Variants in TMTC2 observed in about 807,000 individuals in gnomAD.
TMTC2 encodes transmembrane O-mannosyltransferase targeting cadherins 2, also known as protein O-mannosyl-transferase TMTC2.
TMTC2 carries 43 observed loss-of-function variants against 82.4 expected under a neutral mutation model. The observed-to-expected ratio is 0.52, with a 90% CI of 0.41 to 0.67. The LOEUF (loss-of-function observed/expected upper bound fraction) is 0.67. TMTC2 is among the 30% of genes least tolerant of loss of function. The pLI, the probability that TMTC2 is intolerant of heterozygous loss-of-function variation, is 0.00. For synonymous variants in TMTC2, 408 were observed against 381.9 expected, an observed-to-expected ratio of 1.07 and a Z score of -0.80; for missense variants, 919 against 1,012.4, an observed-to-expected ratio of 0.91 and a Z score of 1.25.
At chr12:83,084,615 G>C (rs926864642) in intron 11 of TMTC2, among the ~76,000 whole-genome samples, 1 of 152,182 alleles carries the variant, frequency 6.6e-6, no homozygotes, top group Non-Finnish European at 1.5e-5. Context: ...CCTATCATTA[G>C]TCAATTTTAT....
At chr12:82,991,721 A>G (rs1160860025) in intron 8 of TMTC2, among the ~76,000 whole-genome samples, 1 of 152,224 alleles carries the variant, frequency 6.6e-6, no homozygotes, top group East Asian at 1.9e-4. Context: ...GAACTTTGTT[A>G]CCTAGGGCAA....
chr12:83,030,688 C>A, intron 8 of TMTC2, 110 bp from the exon 9 acceptor site: 2 of 816,892 alleles, frequency 2.4e-6, no homozygotes, highest in African/African-American at 1.7e-5. Flanking sequence ...TTTTTTTTTC[C>A]TTTCCTATGA....
intron 11 of TMTC2, among the ~76,000 whole-genome samples, chr12:83,096,181 G>A (rs1270447267): frequency 6.6e-6 from 1 of 152,190 alleles, no homozygotes; most frequent in African/African-American, 2.4e-5. Flanking sequence ...CCACATTCAG[G>A]AAGTTTGCCA....
intron 9 of TMTC2, among the ~76,000 whole-genome samples, chr12:83,035,246 C>T (rs1423655152): frequency 1.3e-5 from 2 of 152,140 alleles, no homozygotes; most frequent in African/African-American, 4.8e-5. Context: ...CTATCAGTTA[C>T]TTGTGTTTTT....
In TMTC2 at chr12:82,701,589, T is replaced by TAAAA. The variant is rs763176928; in HGVS notation, c.83+13940_83+13943dup. Reference sequence around the variant, plus strand: ...CAACATGGAGAAACCCCGTCTTTACTAAAAAAAAAAAAAAAAAAAAAAATT... The same window carrying TAAAA: ...CAACATGGAGAAACCCCGTCTTTACTAAAAAAAAAAAAAAAAAAAAAAAAAAATT... On this transcript the variant is annotated intron_variant, in intron 1 of 11. Transcript: ENST00000321196. Among the ~76,000 whole-genome samples, 427 of 91,882 alleles carry TAAAA rather than the reference T, an allele frequency of 4.6e-3. 1 individual carries two copies. The highest frequency in any genetic ancestry group is 0.011 in the South Asian group (29 of 2,608). 60.3% of individuals were successfully genotyped at this position (91,882 alleles called of 152,430 possible).
chr12:82,800,861 G>A (rs1005251698), intron 1 of TMTC2, among the ~76,000 whole-genome samples: 3 of 152,146 alleles, frequency 2.0e-5, no homozygotes, highest in African/African-American at 7.2e-5. Context: ...GCTTAGAGCT[G>A]TCCCTGTTGA....
At chr12:83,013,639 T>C (rs1435217688) in intron 8 of TMTC2, among the ~76,000 whole-genome samples, 2 of 152,220 alleles carry the variant, frequency 1.3e-5, no homozygotes, top group African/African-American at 4.8e-5. Flanking sequence ...AGCCATTTAA[T>C]TTGAGGAAAG....
intron 11 of TMTC2, among the ~76,000 whole-genome samples, chr12:83,128,654 A>G (rs1321562228): frequency 6.6e-6 from 1 of 152,128 alleles, no homozygotes; most frequent in Non-Finnish European, 1.5e-5. Flanking sequence ...TTTCTTGTTA[A>G]AATTTAAATT....
intron 1 of TMTC2, among the ~76,000 whole-genome samples, chr12:82,691,267 TA>T (rs1455561011): frequency 3.3e-5 from 5 of 152,206 alleles, no homozygotes; most frequent in Admixed American, 3.3e-4. Flanking sequence ...TTGCATTTGT[TA>T]AACTCAACCA....
intron 8 of TMTC2, among the ~76,000 whole-genome samples, chr12:83,030,464 G>A (rs1881380510): frequency 6.6e-6 from 1 of 152,156 alleles, no homozygotes; most frequent in Non-Finnish European, 1.5e-5. Flanking sequence ...AATAGAAAAT[G>A]ACAATAATGT....
chr12:83,131,248 C>G (rs935136861), intron 11 of TMTC2, among the ~76,000 whole-genome samples: 1 of 152,114 alleles, frequency 6.6e-6, no homozygotes, highest in Non-Finnish European at 1.5e-5. Context: ...CCAGAATGTT[C>G]CAGGGACAGG....
chr12:82,772,474 C>A (rs879588966), intron 1 of TMTC2, among the ~76,000 whole-genome samples: 4 of 152,138 alleles, frequency 2.6e-5, no homozygotes, highest in Admixed American at 6.5e-5. Context: ...TTCACTTACA[C>A]TAACTACATT....
chr12:82,864,069 G>C (rs1394066910), intron 2 of TMTC2, among the ~76,000 whole-genome samples: 1 of 152,086 alleles, frequency 6.6e-6, no homozygotes, highest in Non-Finnish European at 1.5e-5. Flanking sequence ...GAAGAGTAAA[G>C]GGTACAGCAT....
intron 4 of TMTC2, among the ~76,000 whole-genome samples, chr12:82,957,415 C>G (rs935730353): frequency 1.3e-5 from 2 of 152,144 alleles, no homozygotes; most frequent in Admixed American, 1.3e-4. Context: ...TCCCAAATGC[C>G]TACCTCAAAA....
At chr12:82,908,063 G>A (rs1031662789) in intron 3 of TMTC2, among the ~76,000 whole-genome samples, 2 of 152,106 alleles carry the variant, frequency 1.3e-5, no homozygotes, top group Non-Finnish European at 2.9e-5. Context: ...AGTGAGCCGA[G>A]ACTGTACCGA....
chr12:83,121,366 C>G lies in TMTC2; in HGVS notation c.2332-10844C>G, dbSNP rs933244625. On this transcript the variant is annotated intron_variant, in intron 11 of 11. Coordinates refer to ENST00000321196, the MANE Select transcript of TMTC2 (RefSeq NM_152588.3). ...TGTGTTCCCTTGATGTAATACTCTC[C>G]CCCTTTTCCTATGGATGTGGCTTCC... is the stretch of plus-strand genomic sequence containing the variant. Among the ~76,000 whole-genome samples the G allele has an allele frequency of 2.6e-5, 4 of 152,244 alleles. 1 individual carries two copies. The highest frequency in any genetic ancestry group is 2.6e-4 in the Admixed American group (4 of 15,284).
intron 1 of TMTC2, among the ~76,000 whole-genome samples, chr12:82,719,549 A>G (rs1035027498): frequency 6.6e-6 from 1 of 152,192 alleles, no homozygotes; most frequent in African/African-American, 2.4e-5. Flanking sequence ...AAGTGAAAAT[A>G]TCATGCAACA....
At chr12:82,874,157 A>C (rs1872357582) in intron 2 of TMTC2, among the ~76,000 whole-genome samples, 3 of 152,204 alleles carry the variant, frequency 2.0e-5, no homozygotes, top group Admixed American at 6.5e-5. Context: ...ATTTGAGAGA[A>C]GTTGTGATTT....
intron 1 of TMTC2, among the ~76,000 whole-genome samples, chr12:82,714,288 A>G (rs1456565284): frequency 6.6e-6 from 1 of 152,206 alleles, no homozygotes; most frequent in Non-Finnish European, 1.5e-5. Context: ...TGTACTTGAA[A>G]CCGATAAATT....
Sources: gnomAD v4.1 joint callset for allele counts (sites outside exome capture counted in the v4.1 genomes callset) on GRCh38, gnomAD v4.1.1 for gene constraint, MANE v1.5 for transcripts, NCBI Gene and HGNC (gene_info 2026-07-23, HGNC 2026-07-21) for gene names.